Variants in PCDHAC1 observed in about 807,000 individuals in gnomAD.
The protein encoded by PCDHAC1 is protocadherin alpha-C1.
Under a neutral mutation model 60.0 loss-of-function variants are expected in PCDHAC1, and 42 were observed. The observed-to-expected ratio is 0.70, with a 90% CI of 0.55 to 0.90. The LOEUF (loss-of-function observed/expected upper bound fraction) is 0.90. Ranked by LOEUF, PCDHAC1 falls within the 40% of genes least tolerant of loss-of-function variation. The pLI, the probability that PCDHAC1 is intolerant of heterozygous loss-of-function variation, is 0.00. For synonymous variants in PCDHAC1, 468 were observed against 499.3 expected, an observed-to-expected ratio of 0.94 and a Z score of 0.84; for missense variants, 1,160 against 1,222.3, an observed-to-expected ratio of 0.95 and a Z score of 0.76.
At chr5:140,963,424 G>A (rs898407658) in intron 1 of PCDHAC1, among the ~76,000 whole-genome samples, 7 of 152,194 alleles carry the variant, frequency 4.6e-5, no homozygotes, top group Non-Finnish European at 1.0e-4. Flanking sequence ...GCATGTTTAG[G>A]AACTAACTTC....
At chr5:140,929,457 G>A (rs975305297) in intron 1 of PCDHAC1, 132 bp downstream of exon 1, 25 of 1,362,276 alleles carry the variant, frequency 1.8e-5, no homozygotes, top group Non-Finnish European at 2.4e-5. Flanking sequence ...AGCACTTCCT[G>A]TGCCAAGAAA....
intron 1 of PCDHAC1, among the ~76,000 whole-genome samples, chr5:140,973,960 T>C (rs2096609185): frequency 6.6e-6 from 1 of 152,248 alleles, no homozygotes; most frequent in African/African-American, 2.4e-5. Flanking sequence ...TTTACAGGTG[T>C]CTTTAAATGT....
chr5:140,932,966 G>C (rs2088764912), intron 1 of PCDHAC1, among the ~76,000 whole-genome samples: 1 of 151,942 alleles, frequency 6.6e-6, no homozygotes, highest in South Asian at 2.1e-4. Context: ...TTGCTGAAAG[G>C]TTTTTACAAT....
At chr5:140,989,637 T>C (rs1274152423) in intron 3 of PCDHAC1, among the ~76,000 whole-genome samples, 2 of 152,070 alleles carry the variant, frequency 1.3e-5, no homozygotes, top group African/African-American at 4.8e-5. Flanking sequence ...ACAGCAAGGG[T>C]CTTTCATGGC....
At chr5:140,934,258 A>G (rs2089731137) in intron 1 of PCDHAC1, among the ~76,000 whole-genome samples, 1 of 152,140 alleles carries the variant, frequency 6.6e-6, no homozygotes, top group Non-Finnish European at 1.5e-5. Flanking sequence ...ATCAAAATTA[A>G]TAATAATCAG....
intron 1 of PCDHAC1, chr5:140,968,168 A>T (rs145694919): frequency 3.1e-6 from 5 of 1,614,098 alleles, no homozygotes; most frequent in Non-Finnish European, 4.2e-6. Context: ...CAATCCACCA[A>T]GCTTCCTGGA....
At chr5:140,996,922 A>T (rs2097752714) in intron 3 of PCDHAC1, among the ~76,000 whole-genome samples, 1 of 152,198 alleles carries the variant, frequency 6.6e-6, no homozygotes, top group African/African-American at 2.4e-5. Flanking sequence ...AATATTAAAA[A>T]ATATAGCATT....
intron 1 of PCDHAC1, among the ~76,000 whole-genome samples, chr5:140,931,210 G>A (rs1326851548): frequency 6.6e-6 from 1 of 152,064 alleles, no homozygotes; most frequent in African/African-American, 2.4e-5. Flanking sequence ...TAGTATTTCA[G>A]GTATCAGAGC....
chr5:140,969,019 G>C lies in PCDHAC1; in HGVS notation c.2434-9930G>C. 3.1e-6 allele frequency: 5 copies of C among 1,614,164 alleles called. No homozygotes were observed. The South Asian group carries it at 5.5e-5, about 18-fold the overall frequency. ...GAGGCTTCTGTGGAGTAAGGGAAAG[G>C]TCCCCTGCAGAACTGTACAAACAAG... On this transcript the variant is annotated intron_variant, in intron 1 of 3. Transcript: ENST00000253807.
At chr5:140,965,238 A>T (rs540671197) in intron 1 of PCDHAC1, among the ~76,000 whole-genome samples, 1 of 152,314 alleles carries the variant, frequency 6.6e-6, no homozygotes, top group African/African-American at 2.4e-5. Flanking sequence ...ACCTGGGAAG[A>T]GTGAATATTC....
intron 1 of PCDHAC1, among the ~76,000 whole-genome samples, chr5:140,937,039 C>CTTT (rs34994034): frequency 3.6e-5 from 5 of 140,162 alleles, no homozygotes; most frequent in African/African-American, 5.3e-5. Context: ...TTCCATTTAT[C>CTTT]TTTTTTTTTT....
At chr5:140,991,985 A>G (rs114196704) in intron 3 of PCDHAC1, among the ~76,000 whole-genome samples, 1,827 of 150,246 alleles carry the variant, frequency 0.012, 17 homozygotes, top group Non-Finnish European at 0.019. Context: ...TCTGCCTACC[A>G]CCCGGTCTTT....
intron 2 of PCDHAC1, among the ~76,000 whole-genome samples, chr5:140,981,165 T>C (rs1411910974): frequency 6.6e-6 from 1 of 152,250 alleles, no homozygotes; most frequent in Non-Finnish European, 1.5e-5. Flanking sequence ...ATATGTTGCC[T>C]TCCCTCTAAT....
intron 1 of PCDHAC1, among the ~76,000 whole-genome samples, chr5:140,953,460 G>A (rs1025295552): frequency 1.3e-5 from 2 of 152,116 alleles, no homozygotes; most frequent in Non-Finnish European, 2.9e-5. Context: ...ATCTGTCAGA[G>A]TTTTAACTTC....
At chr5:140,998,112 T>A (rs1554256165) in intron 3 of PCDHAC1, among the ~76,000 whole-genome samples, 2 of 152,152 alleles carry the variant, frequency 1.3e-5, no homozygotes, top group Non-Finnish European at 2.9e-5. Context: ...AGGAGAAAAT[T>A]TACTTGTGAA....
At chr5:140,995,106 G>C (rs1318120210) in intron 3 of PCDHAC1, among the ~76,000 whole-genome samples, 6 of 152,180 alleles carry the variant, frequency 3.9e-5, no homozygotes, top group East Asian at 1.9e-4. Context: ...TACATTCCAA[G>C]ACCCTCAGTG....
At chr5:141,006,774 A>G (rs1435816376) in intron 3 of PCDHAC1, among the ~76,000 whole-genome samples, 8 of 152,172 alleles carry the variant, frequency 5.3e-5, no homozygotes, top group Admixed American at 3.3e-4. Flanking sequence ...AGAATAGAGA[A>G]AAATGAATAA....
rs577931904 is a variant in PCDHAC1 at position 140,968,275 on chromosome 5, G to A, written c.2434-10674G>A. On this transcript the variant is annotated intron_variant, in intron 1 of 3. Coordinates refer to ENST00000253807, the MANE Select transcript of PCDHAC1 (RefSeq NM_018898.5). ...ACCCAGATGAAAAGGAGAATGCAGA[G>A]GTGACCTACTCCCTTCTGGAGAGGG... is the stretch of plus-strand genomic sequence containing the variant. The A allele has an allele frequency of 5.0e-6, 8 of 1,614,040 alleles. No individual in the cohort carries two copies. The African/African-American group carries it at 8.0e-5, about 16-fold the overall frequency.
chr5:141,000,887 AAC>A (rs1554257872), intron 3 of PCDHAC1, among the ~76,000 whole-genome samples: 4 of 152,188 alleles, frequency 2.6e-5, no homozygotes. Context: ...CAACCTGGGC[AAC>A]AGATATAGAC....
Sources: gnomAD v4.1 joint callset for allele counts (sites outside exome capture counted in the v4.1 genomes callset) on GRCh38, gnomAD v4.1.1 for gene constraint, MANE v1.5 for transcripts, NCBI Gene and HGNC (gene_info 2026-07-23, HGNC 2026-07-21) for gene names.